Variants in KCNJ6 observed in about 807,000 individuals in gnomAD.
The protein encoded by KCNJ6 is G protein-activated inward rectifier potassium channel 2.
In KCNJ6, 9 loss-of-function variants were observed where a neutral mutation model predicts 34.2. The observed-to-expected ratio is 0.26, with a 90% CI of 0.16 to 0.46. The LOEUF (loss-of-function observed/expected upper bound fraction) is 0.46, where lower values mean the gene tolerates loss of function less well. Ranked by LOEUF, KCNJ6 falls within the 20% of genes least tolerant of loss-of-function variation. KCNJ6 has a pLI of 1.00. For missense variants in KCNJ6, 236 were observed against 531.3 expected (o/e 0.44, Z 5.46); for synonymous variants, 196 against 207.1 (o/e 0.95, Z 0.46).
At chr21:37,871,444 C>T (rs76645069) in intron 1 of KCNJ6, among the ~76,000 whole-genome samples, 556 of 152,308 alleles carry the variant, frequency 3.7e-3, no homozygotes, top group Non-Finnish European at 5.9e-3. Context: ...CTCCCACCCA[C>T]GTATCTGGCA....
At chr21:37,907,347 T>C (rs1307602504) in intron 1 of KCNJ6, among the ~76,000 whole-genome samples, 2 of 151,888 alleles carry the variant, frequency 1.3e-5, no homozygotes, top group Non-Finnish European at 2.9e-5. Flanking sequence ...GATTCATTTT[T>C]TTTATAGAGA....
rs114648327 is a variant in KCNJ6, at chr21:37,909,884, C to T, written c.-28+6000G>A. ...TTAGATGTCTCTACCTGTTGCTGCA[C>T]GGCTTGCAGTGCTTCACTGTGGGAG... On this transcript the variant is annotated intron_variant, in intron 1 of 3. Coordinates refer to ENST00000609713, the MANE Select transcript of KCNJ6 (RefSeq NM_002240.5). Among the ~76,000 whole-genome samples the T allele has an allele frequency of 4.0e-3, 615 of 152,326 alleles. 5 individuals carry two copies. The highest frequency in any genetic ancestry group is 0.014 in the African/African-American group (574 of 41,570).
intron 3 of KCNJ6, among the ~76,000 whole-genome samples, chr21:37,633,271 A>G (rs1057427129): frequency 6.6e-6 from 1 of 152,168 alleles, no homozygotes; most frequent in African/African-American, 2.4e-5. Flanking sequence ...ATAAAATTCA[A>G]AAACCACTTA....
chr21:37,741,945 G>C (rs553361081), intron 2 of KCNJ6, among the ~76,000 whole-genome samples: 1 of 152,344 alleles, frequency 6.6e-6, no homozygotes, highest in East Asian at 1.9e-4. Context: ...ATTCACACGT[G>C]CTGTAGTAAG....
chr21:37,833,378 T>C (rs765180919), intron 2 of KCNJ6, among the ~76,000 whole-genome samples: 12 of 152,118 alleles, frequency 7.9e-5, no homozygotes, highest in Non-Finnish European at 1.8e-4. Context: ...TACATCCTCC[T>C]TCCAAACACA....
rs574370204 is a variant in KCNJ6, at chr21:37,758,987, C to A, written c.26-43856G>T. 1.1e-4 allele frequency among the ~76,000 whole-genome samples: 16 copies of A among 152,270 alleles called. No individual in the cohort carries two copies. In the South Asian group the frequency reaches 3.3e-3, roughly 32 times the overall value. ...AGGATTAGAGATCACATGGCTCAGC[C>A]CTGCTCACATGGGTTGCAAGAGTTG... On this transcript the variant is annotated intron_variant, in intron 2 of 3. Transcript: ENST00000609713.
chr21:37,751,839 T>A (rs757981502), intron 2 of KCNJ6, among the ~76,000 whole-genome samples: 6 of 152,230 alleles, frequency 3.9e-5, no homozygotes, highest in Non-Finnish European at 7.3e-5. Context: ...TGTGCTTTCT[T>A]GATCTGTGTG....
At chr21:37,750,875 T>A (rs2054992067) in intron 2 of KCNJ6, among the ~76,000 whole-genome samples, 2 of 152,186 alleles carry the variant, frequency 1.3e-5, no homozygotes, top group African/African-American at 4.8e-5. Context: ...ACTTAAAGTA[T>A]AATAATAAAA....
rs558705932 is a variant in KCNJ6 at position 37,916,004 on chromosome 21, G to C, written c.-148C>G. ...GGAAATGCAAAAAAGAAAAGGAAAA[G>C]AAAAAAACTGGAATCAGATGGTCAA... On this transcript the variant is annotated 5_prime_UTR_variant, in exon 1 of 4. Coordinates refer to ENST00000609713, the MANE Select transcript of KCNJ6 (RefSeq NM_002240.5). The C allele has an allele frequency of 5.2e-5, 8 of 152,950 alleles. No individual in the cohort carries two copies. Among genetic ancestry groups the C allele is most frequent in the Non-Finnish European group, 1.0e-4 (7 of 68,540 alleles). The allele number at this position is 152,950 out of a possible 1,614,324, so 9.5% of individuals were successfully genotyped here.
At chr21:37,633,175 G>T (rs1023522157) in intron 3 of KCNJ6, among the ~76,000 whole-genome samples, 1 of 152,060 alleles carries the variant, frequency 6.6e-6, no homozygotes, top group Admixed American at 6.6e-5. Context: ...GAATGCAAGG[G>T]TGGTTTAACC....
intron 2 of KCNJ6, among the ~76,000 whole-genome samples, chr21:37,778,808 T>C (rs183167306): frequency 2.6e-5 from 4 of 151,540 alleles, no homozygotes; most frequent in Admixed American, 6.6e-5. Flanking sequence ...CCCCCACTTA[T>C]TCTTGGAGCA....
At chr21:37,720,521 AGGCCTGGG>A (rs896643663) in intron 2 of KCNJ6, among the ~76,000 whole-genome samples, 4 of 152,128 alleles carry the variant, frequency 2.6e-5, no homozygotes, top group African/African-American at 9.7e-5. Context: ...GGTGTCCAGG[AGGCCTGGG>A]GGCTGGGGGC....
intron 2 of KCNJ6, among the ~76,000 whole-genome samples, chr21:37,837,287 G>A (rs553278506): frequency 1.4e-4 from 21 of 151,956 alleles, no homozygotes; most frequent in Non-Finnish European, 2.5e-4. Context: ...TAAAGTTGCT[G>A]TAATTTTTTT....
Position 37,618,879 on chromosome 21 carries a change from C to A in KCNJ6, c.*6280G>T, listed in dbSNP as rs1194585249. The A allele has an allele frequency of 6.6e-6, 1 of 152,190 alleles. No homozygotes were observed. The highest frequency in any genetic ancestry group is 1.5e-5 in the Non-Finnish European group (1 of 68,022). The allele number at this position is 152,190 out of a possible 1,614,324, so 9.4% of individuals were successfully genotyped here. A position where few individuals can be genotyped will look rare whatever the true frequency, so the allele number is the denominator to read the frequency against. ...GGTGGATACATGAAGCTTTCTTTTA[C>A]CAAGGCAATGAGGCCAAGTAAAAGT... is the stretch of plus-strand genomic sequence containing the variant. On this transcript the variant is annotated 3_prime_UTR_variant, in exon 4 of 4. Transcript: ENST00000609713.
rs189391741 is a variant in KCNJ6 at position 37,723,655 on chromosome 21, C to T, written c.26-8524G>A. Among the ~76,000 whole-genome samples the T allele has an allele frequency of 1.7e-4, 26 of 152,162 alleles. No homozygotes were observed. In the East Asian group the frequency reaches 4.1e-3, roughly 24 times the overall value. The stretch of plus-strand genomic sequence containing the variant: ...GAGGTCATTATCCCAAGTGAATTAA[C>T]GCAGGAACAGAAAACCAAATACTGT... On this transcript the variant is annotated intron_variant, in intron 2 of 3. Coordinates refer to ENST00000609713, the MANE Select transcript of KCNJ6 (RefSeq NM_002240.5).
At chr21:37,803,433 T>G (rs3787831) in intron 2 of KCNJ6, among the ~76,000 whole-genome samples, 76,000 of 152,000 alleles carry the variant, frequency 0.5, 19,394 homozygotes, top group Middle Eastern at 0.55. Flanking sequence ...GGGCTGGAGT[T>G]GGGGCAGGAG....
rs71328602 is a variant in KCNJ6 at position 37,610,598 on chromosome 21, T to TAAAAAAAAAAAAAAAAAAAAAA, written c.*14539_*14560dup. The TAAAAAAAAAAAAAAAAAAAAAA allele has an allele frequency of 1.3e-5, 1 of 77,472 alleles. No homozygotes were observed. The highest frequency in any genetic ancestry group is 5.7e-5 in the African/African-American group (1 of 17,430). 4.8% of individuals were successfully genotyped at this position (77,472 alleles called of 1,614,324 possible). A position where few individuals can be genotyped will look rare whatever the true frequency, so the allele number is the denominator to read the frequency against. On this transcript the variant is annotated 3_prime_UTR_variant, in exon 4 of 4. Coordinates refer to ENST00000609713, the MANE Select transcript of KCNJ6 (RefSeq NM_002240.5). Reference sequence around the variant, plus strand: ...TGGGCAACAGAGTGAGACTCTGTCTTAAAAAAAAAAAAAAAAAAAAAAGGA... The same window carrying TAAAAAAAAAAAAAAAAAAAAAA: ...TGGGCAACAGAGTGAGACTCTGTCTTAAAAAAAAAAAAAAAAAAAAAAAAAAAAAAAAAAAAAAAAAAAAGGA...
At chr21:37,684,416 C>T (rs1195598060) in intron 3 of KCNJ6, among the ~76,000 whole-genome samples, 1 of 151,988 alleles carries the variant, frequency 6.6e-6, no homozygotes, top group Admixed American at 6.6e-5. Flanking sequence ...AGGACCTCAT[C>T]TAACTTAACT....
chr21:37,863,905 A>G (rs1296859247), intron 1 of KCNJ6, among the ~76,000 whole-genome samples: 1 of 119,828 alleles, frequency 8.3e-6, no homozygotes, highest in African/African-American at 3.3e-5. Context: ...AGCTTCTGCT[A>G]TATTGGCAGT....
Sources: allele counts gnomAD v4.1 joint callset (sites outside exome capture counted in the v4.1 genomes callset), GRCh38; gene constraint gnomAD v4.1.1; transcripts MANE v1.5; gene names NCBI Gene and HGNC (gene_info 2026-07-23, HGNC 2026-07-21).